Variants in CACNA2D4 observed in about 807,000 individuals in gnomAD.
CACNA2D4 encodes calcium voltage-gated channel auxiliary subunit alpha2delta 4.
CACNA2D4 carries 157 observed loss-of-function variants against 163.8 expected under a neutral mutation model. The observed-to-expected ratio is 0.96, with a 90% CI of 0.84 to 1.09. CACNA2D4 has a LOEUF of 1.09. Ranked by LOEUF, CACNA2D4 falls within the 50% of genes least tolerant of loss-of-function variation. The pLI is 0.00. For synonymous variants in CACNA2D4, 598 were observed against 586.9 expected (o/e 1.02, Z -0.27); for missense variants, 1,410 against 1,479.9 (o/e 0.95, Z 0.78).
At chr12:1,831,284 G>C in intron 26 of CACNA2D4, 2 of 1,613,634 alleles carry the variant, frequency 1.2e-6, no homozygotes, top group East Asian at 4.5e-5. Context: ...TGCGGCACTC[G>C]CCGCTGCTCC....
Position 1,828,141 on chromosome 12 carries a change from G to A in CACNA2D4, c.2551+12598C>T, listed in dbSNP as rs760437859. ...AGCGACAGGGCCCGGAGAGCCGTGG[G>A]CCTCACCATGCTGGCGCCGGGCAGC... On this transcript the variant is annotated intron_variant, in intron 26 of 37. Transcript: ENST00000382722. This position sits in a 1 kb window ranked among gnomAD's most constrained non-coding sequence, Gnocchi z 4.2. 4.8e-4 allele frequency: 742 copies of A among 1,537,518 alleles called. No homozygotes were observed. The highest frequency in any genetic ancestry group is 6.1e-4 in the Non-Finnish European group (697 of 1,140,818).
intron 18 of CACNA2D4, among the ~76,000 whole-genome samples, chr12:1,864,698 C>T (rs932907415): frequency 3.9e-5 from 6 of 152,206 alleles, no homozygotes; most frequent in East Asian, 3.8e-4. Context: ...GACGCTCCTC[C>T]GCAGATCCGA....
chr12:1,833,428 C>T lies in CACNA2D4; in HGVS notation c.2551+7311G>A, dbSNP rs1864717600. Reference sequence around the variant, plus strand: ...TCTCTCTCACCCCAGCCCTGTCCTGCATCTGTGTCTCCCTCTGTCCAAGCC... The same window carrying T: ...TCTCTCTCACCCCAGCCCTGTCCTGTATCTGTGTCTCCCTCTGTCCAAGCC... On this transcript the variant is annotated intron_variant, in intron 26 of 37. Coordinates refer to ENST00000382722, the MANE Select transcript of CACNA2D4 (RefSeq NM_172364.5). This position sits in a 1 kb window ranked among gnomAD's most constrained non-coding sequence, Gnocchi z 4.2. Among the ~76,000 whole-genome samples, 1 of 152,178 alleles carries T rather than the reference C, an allele frequency of 6.6e-6. No individual in the cohort carries two copies. Among genetic ancestry groups the T allele is most frequent in the Non-Finnish European group, 1.5e-5 (1 of 68,032 alleles).
intron 6 of CACNA2D4, among the ~76,000 whole-genome samples, chr12:1,899,641 T>A (rs548739207): frequency 6.6e-6 from 1 of 152,290 alleles, no homozygotes; most frequent in South Asian, 2.1e-4. Context: ...AGTAATTTTA[T>A]CTTCCCATAA....
chr12:1,797,567 A>G, intron 34 of CACNA2D4, 32 bp from the exon 35 acceptor site: 1 of 1,506,282 alleles, frequency 6.6e-7, no homozygotes, highest in Non-Finnish European at 9.0e-7. Flanking sequence ...CACGCCACCG[A>G]AGGGGCCTCT....
In CACNA2D4 at chr12:1,874,641, G is replaced by A. The variant is rs1450907254; in HGVS notation, c.1841C>T (p.Thr614Ile). 1.2e-6 allele frequency: 2 copies of A among 1,613,308 alleles called. No individual in the cohort carries two copies. The highest frequency in any genetic ancestry group is 1.3e-5 in the African/African-American group (1 of 75,002). ...RTAMINRETG[T>I]LSMDVKVPMD... ...CGGAACCTTCACATCCATCGAGAGA[G>A]TACCTGTTTCCCTATTGATCATGGC... The change falls in exon 18 of 38, where the codon ACT (threonine) becomes ATT (isoleucine). Residue 614 changes from threonine (T) to isoleucine (I), a missense_variant. Thr to Ile is a moderately conservative substitution (Grantham distance 89, BLOSUM62 -1). Coordinates refer to ENST00000382722, the MANE Select transcript of CACNA2D4 (RefSeq NM_172364.5). The surrounding 1 kb of genome is among the most constrained non-coding windows in gnomAD (Gnocchi z 4.4).
intron 7 of CACNA2D4, 27 bp downstream of exon 7, chr12:1,886,982 G>A (rs747952153): frequency 2.3e-5 from 36 of 1,546,494 alleles, no homozygotes; most frequent in Admixed American, 7.2e-5. Flanking sequence ...TACCCGGGCC[G>A]CAAACCTTTC....
At chr12:1,856,923 T>C (rs1476736779) in intron 20 of CACNA2D4, among the ~76,000 whole-genome samples, 2 of 152,160 alleles carry the variant, frequency 1.3e-5, no homozygotes, top group East Asian at 3.9e-4. Flanking sequence ...GCTGCTCTGA[T>C]GTAGACACAG....
rs889073741 is a variant in CACNA2D4, at chr12:1,828,999, C to A, written c.2551+11740G>T. The stretch of plus-strand genomic sequence containing the variant: ...ATTCCGCCTGACTTCCCGCTCTGAT[C>A]CAGCACCCAACACGGGCAGCCTGAA... On this transcript the variant is annotated intron_variant, in intron 26 of 37. Transcript: ENST00000382722. This position sits in a 1 kb window ranked among gnomAD's most constrained non-coding sequence, Gnocchi z 4.2. 1.3e-5 allele frequency among the ~76,000 whole-genome samples: 2 copies of A among 152,234 alleles called. No homozygotes were observed. Among genetic ancestry groups the A allele is most frequent in the Admixed American group, 6.5e-5 (1 of 15,290 alleles).
At position 1,793,506 on chromosome 12, in the gene CACNA2D4, C is replaced by T. The variant is rs1265736197; in HGVS notation, c.*149G>A. On this transcript the variant is annotated 3_prime_UTR_variant, in exon 38 of 38. Transcript: ENST00000382722. The stretch of plus-strand genomic sequence containing the variant: ...GTTTCCTGTTCCATCCAGCATTCTC[C>T]GGAGCCAGGGGCCACCAGCCCAGGA... 1.3e-5 allele frequency: 9 copies of T among 705,210 alleles called. No individual in the cohort carries two copies. In the East Asian group the frequency reaches 1.6e-4, roughly 13 times the overall value. The allele number at this position is 705,210 out of a possible 1,614,324, so 43.7% of individuals were successfully genotyped here.
chr12:1,803,254 A>ATCTT, intron 29 of CACNA2D4, among the ~76,000 whole-genome samples: 1 of 152,252 alleles, frequency 6.6e-6, no homozygotes, highest in East Asian at 1.9e-4. Flanking sequence ...TATTCCAGAC[A>ATCTT]AGGGCTAGGC....
chr12:1,797,060 C>T (rs1472348007), intron 35 of CACNA2D4, among the ~76,000 whole-genome samples: 3 of 152,232 alleles, frequency 2.0e-5, no homozygotes, highest in Admixed American at 6.5e-5. Context: ...ACCGCCTGAG[C>T]AGGGCTGGGG....
chr12:1,824,402 C>T (rs1425042734), intron 26 of CACNA2D4, among the ~76,000 whole-genome samples: 2 of 152,186 alleles, frequency 1.3e-5, no homozygotes, highest in East Asian at 3.9e-4. Context: ...ACTCAAAGCC[C>T]CATGTTTCTG....
intron 6 of CACNA2D4, among the ~76,000 whole-genome samples, chr12:1,906,854 G>A (rs1592748567): frequency 6.6e-6 from 1 of 152,210 alleles, no homozygotes; most frequent in Non-Finnish European, 1.5e-5. Context: ...TCCTGTTTCA[G>A]AAAAGTGGGA....
intron 6 of CACNA2D4, among the ~76,000 whole-genome samples, chr12:1,904,144 C>CT (rs1300635934): frequency 3.3e-5 from 5 of 151,960 alleles, no homozygotes; most frequent in Non-Finnish European, 5.9e-5. Context: ...TCACGTCGCA[C>CT]TTTTTTGTGG....
intron 4 of CACNA2D4, among the ~76,000 whole-genome samples, chr12:1,908,850 C>T (rs7312802): frequency 2.9e-5 from 4 of 139,076 alleles, no homozygotes; most frequent in Non-Finnish European, 4.6e-5. Context: ...GACTGCGTCA[C>T]GGACATCCCC....
At chr12:1,886,823 G>C (rs926883953) in intron 7 of CACNA2D4, among the ~76,000 whole-genome samples, 186 bp downstream of exon 7, 1 of 152,166 alleles carries the variant, frequency 6.6e-6, no homozygotes, top group African/African-American at 2.4e-5. Context: ...CCTGGAGCAA[G>C]GCAATTGTAG....
chr12:1,833,440 CCT>C lies in CACNA2D4; in HGVS notation c.2551+7297_2551+7298del, dbSNP rs2154447268. 6.6e-6 allele frequency among the ~76,000 whole-genome samples: 1 copy of C among 152,282 alleles called. No homozygotes were observed. Among genetic ancestry groups the C allele is most frequent in the Non-Finnish European group, 1.5e-5 (1 of 68,016 alleles). ...CAGCCCTGTCCTGCATCTGTGTCTC[CCT>C]CTGTCCAAGCCAGCCTCCACCATCA... On this transcript the variant is annotated intron_variant, in intron 26 of 37. Transcript: ENST00000382722. This position sits in a 1 kb window ranked among gnomAD's most constrained non-coding sequence, Gnocchi z 4.2.
At chr12:1,800,956 T>G in intron 31 of CACNA2D4, 87 bp downstream of exon 31, 3 of 1,274,404 alleles carry the variant, frequency 2.4e-6, no homozygotes, top group African/African-American at 1.5e-5. Context: ...CCAAGGTGGG[T>G]GAGAACAGGG....
Sources: allele counts gnomAD v4.1 joint callset (sites outside exome capture counted in the v4.1 genomes callset), GRCh38; gene constraint gnomAD v4.1.1; non-coding constraint Gnocchi (gnomAD v3.1); transcripts MANE v1.5; gene names NCBI Gene and HGNC (gene_info 2026-07-23, HGNC 2026-07-21).